Variants in MTUS2 observed in about 807,000 individuals in gnomAD.
MTUS2 encodes the protein microtubule associated scaffold protein 2, also known as microtubule-associated tumor suppressor candidate 2.
A neutral mutation model predicts 114.1 loss-of-function variants in MTUS2; 40 were observed. The ratio of observed to expected loss-of-function variants is 0.35; its 90% CI spans 0.27 to 0.46. MTUS2 has a LOEUF of 0.46. MTUS2 is among the 20% of genes least tolerant of loss of function. The pLI, the probability that MTUS2 is intolerant of heterozygous loss-of-function variation, is 1.00. For missense variants in MTUS2, 1,679 were observed against 1,705.4 expected, an observed-to-expected ratio of 0.98 and a Z score of 0.27; for synonymous variants, 688 against 672.0, an observed-to-expected ratio of 1.02 and a Z score of -0.37.
intron 2 of MTUS2, among the ~76,000 whole-genome samples, chr13:28,910,002 C>A (rs1027073712): frequency 6.6e-6 from 1 of 152,092 alleles, no homozygotes; most frequent in African/African-American, 2.4e-5. Flanking sequence ...AATGGGGTAT[C>A]CGTTCCTTCA....
intron 5 of MTUS2, among the ~76,000 whole-genome samples, chr13:29,162,047 G>A (rs781464833): frequency 1.3e-5 from 2 of 152,000 alleles, no homozygotes; most frequent in Non-Finnish European, 2.9e-5. Context: ...TTAGATATCC[G>A]CCAGACACTT....
intron 2 of MTUS2, among the ~76,000 whole-genome samples, chr13:28,849,474 C>G (rs899188484): frequency 6.6e-6 from 1 of 152,180 alleles, no homozygotes; most frequent in Admixed American, 6.5e-5. Flanking sequence ...CACCAAAAAG[C>G]AAACTCAACA....
chr13:29,332,677 C>G (rs1310794030), intron 7 of MTUS2, among the ~76,000 whole-genome samples: 1 of 147,488 alleles, frequency 6.8e-6, no homozygotes, highest in Non-Finnish European at 1.5e-5. Flanking sequence ...CTCAGTCGCC[C>G]AGGCTGGAGT....
chr13:29,379,314 C>T (rs1872013689), intron 8 of MTUS2, among the ~76,000 whole-genome samples: 1 of 152,144 alleles, frequency 6.6e-6, no homozygotes, highest in Admixed American at 6.5e-5. Flanking sequence ...GCATGAGTCT[C>T]CTGGAAGACT....
At chr13:29,414,174 A>G (rs1875469159) in intron 8 of MTUS2, among the ~76,000 whole-genome samples, 1 of 18,684 alleles carries the variant, frequency 5.4e-5, no homozygotes, top group East Asian at 1.2e-3. Context: ...ATGAAATTGG[A>G]AACCATCATT....
chr13:29,257,074 G>A (rs1897304200), intron 5 of MTUS2, among the ~76,000 whole-genome samples: 1 of 152,158 alleles, frequency 6.6e-6, no homozygotes, highest in Non-Finnish European at 1.5e-5. Context: ...CCTGCCCTGG[G>A]ACACTGCTTA....
At chr13:29,021,221 C>T (rs1370520348) in intron 2 of MTUS2, among the ~76,000 whole-genome samples, 1 of 152,188 alleles carries the variant, frequency 6.6e-6, no homozygotes, top group Non-Finnish European at 1.5e-5. Context: ...GAGCTATGAA[C>T]GTGCTACTGC....
At chr13:29,431,477 T>C (rs1876985357) in intron 8 of MTUS2, among the ~76,000 whole-genome samples, 2 of 152,172 alleles carry the variant, frequency 1.3e-5, no homozygotes, top group Non-Finnish European at 2.9e-5. Context: ...TAGGCAACAA[T>C]AACACACACA....
chr13:29,025,974 A>G lies in MTUS2; in HGVS notation c.1276A>G (p.Thr426Ala). The G allele has an allele frequency of 6.2e-7, 1 of 1,614,016 alleles. No individual in the cohort carries two copies. The highest frequency in any genetic ancestry group is 1.1e-5 in the South Asian group (1 of 91,076). The change falls in exon 3 of 16, where the codon ACA (threonine) becomes GCA (alanine). Residue 426 changes from threonine to alanine, a missense_variant. Coordinates refer to ENST00000612955, the MANE Select transcript of MTUS2 (RefSeq NM_001033602.4). ...PCAGEKLGER[T>A]SSSFSPGDSH... ...TGCAGGTGAGAAGTTGGGTGAAAGGACATCCAGCAGCTTTTCACCAGGTGA... is the reference window on the plus strand; with the variant it reads ...TGCAGGTGAGAAGTTGGGTGAAAGGGCATCCAGCAGCTTTTCACCAGGTGA...
At chr13:28,850,278 T>A (rs965050715) in intron 2 of MTUS2, among the ~76,000 whole-genome samples, 30 of 152,198 alleles carry the variant, frequency 2.0e-4, no homozygotes, top group Non-Finnish European at 3.8e-4. Context: ...ACAGATACAT[T>A]CCCCTCTGTA....
chr13:28,916,179 A>G (rs1000937358), intron 2 of MTUS2, among the ~76,000 whole-genome samples: 2 of 151,888 alleles, frequency 1.3e-5, no homozygotes, highest in South Asian at 2.1e-4. Context: ...TGCCAGTAAC[A>G]TACTGTTTTT....
At chr13:29,006,402 G>C (rs1054398635) in intron 2 of MTUS2, among the ~76,000 whole-genome samples, 1 of 152,118 alleles carries the variant, frequency 6.6e-6, no homozygotes. Flanking sequence ...TATATACTCC[G>C]TTTATTTAGT....
intron 10 of MTUS2, among the ~76,000 whole-genome samples, chr13:29,483,037 G>T (rs1409069418): frequency 6.6e-6 from 1 of 152,236 alleles, no homozygotes; most frequent in Non-Finnish European, 1.5e-5. Context: ...CTGAGATGGA[G>T]ATTAGGATGA....
At chr13:28,924,416 T>A (rs1033250306) in intron 2 of MTUS2, among the ~76,000 whole-genome samples, 1 of 152,222 alleles carries the variant, frequency 6.6e-6, no homozygotes, top group Non-Finnish European at 1.5e-5. Flanking sequence ...GCTTTGAGAA[T>A]GATCCTGCAA....
At chr13:29,327,604 T>C (rs767851289) in intron 7 of MTUS2, among the ~76,000 whole-genome samples, 17 of 152,208 alleles carry the variant, frequency 1.1e-4, no homozygotes, top group African/African-American at 1.9e-4. Context: ...TATATAGATA[T>C]CACTATTTAT....
At chr13:29,192,449 C>A (rs1157653559) in intron 5 of MTUS2, among the ~76,000 whole-genome samples, 1 of 152,038 alleles carries the variant, frequency 6.6e-6, no homozygotes, top group Non-Finnish European at 1.5e-5. Flanking sequence ...AAACTTATAG[C>A]TAGAGAGGAG....
intron 2 of MTUS2, among the ~76,000 whole-genome samples, chr13:28,891,777 C>G (rs1878937888): frequency 7.0e-6 from 1 of 142,350 alleles, no homozygotes; most frequent in Non-Finnish European, 1.5e-5. Flanking sequence ...ACTCAGGAGG[C>G]TGAGGCAGGA....
At chr13:29,114,030 C>T (rs924678529) in intron 5 of MTUS2, among the ~76,000 whole-genome samples, 26 of 152,106 alleles carry the variant, frequency 1.7e-4, no homozygotes, top group Admixed American at 2.6e-4. Flanking sequence ...TGCTCTTGTT[C>T]GGACTGTGTG....
At chr13:29,280,151 C>T (rs1481124702) in intron 5 of MTUS2, among the ~76,000 whole-genome samples, 1 of 152,184 alleles carries the variant, frequency 6.6e-6, no homozygotes, top group Non-Finnish European at 1.5e-5. Flanking sequence ...AGCTGAGGCT[C>T]ACTGTTTTTG....
Sources: allele counts gnomAD v4.1 joint callset (sites outside exome capture counted in the v4.1 genomes callset), GRCh38; gene constraint gnomAD v4.1.1; transcripts MANE v1.5; gene names NCBI Gene and HGNC (gene_info 2026-07-23, HGNC 2026-07-21).